Variants in ANK3 observed in about 807,000 individuals in gnomAD.
ANK3 encodes ankyrin 3.
A neutral mutation model predicts 370.9 loss-of-function variants in ANK3; 57 were observed. The ratio of observed to expected loss-of-function variants is 0.15; its 90% CI spans 0.12 to 0.19. The LOEUF is 0.19. Among genes scored for constraint, ANK3 ranks in the 10% least tolerant of loss-of-function variants. The pLI is 1.00. For missense variants in ANK3, 4,439 were observed against 5,302.1 expected (o/e 0.84, Z 5.06); for synonymous variants, 1,929 against 1,946.3 (o/e 0.99, Z 0.23).
chr10:60,039,068 T>A (rs946843935), intron 43 of ANK3, among the ~76,000 whole-genome samples: 1 of 152,204 alleles, frequency 6.6e-6, no homozygotes, highest in African/African-American at 2.4e-5. Context: ...CATTTCTTTT[T>A]CCCATTGCAG....
intron 25 of ANK3, among the ~76,000 whole-genome samples, chr10:60,127,520 A>G (rs2093824140): frequency 6.6e-6 from 1 of 152,174 alleles, no homozygotes; most frequent in Non-Finnish European, 1.5e-5. Context: ...CCTACAGTAT[A>G]TACATACCTT....
chr10:60,536,904 A>C (rs1434756722), intron 2 of ANK3, among the ~76,000 whole-genome samples: 1 of 152,054 alleles, frequency 6.6e-6, no homozygotes, highest in East Asian at 1.9e-4. Context: ...TCATGCTTGC[A>C]AAAAGGGACT....
chr10:60,667,373 T>C (rs1463372586), intron 1 of ANK3, among the ~76,000 whole-genome samples: 1 of 151,696 alleles, frequency 6.6e-6, no homozygotes, highest in Non-Finnish European at 1.5e-5. Flanking sequence ...TGTTCTTAAC[T>C]ACAAATAAAG....
intron 1 of ANK3, among the ~76,000 whole-genome samples, chr10:60,704,464 A>G (rs1161692564): frequency 3.3e-5 from 5 of 152,224 alleles, no homozygotes; most frequent in Non-Finnish European, 5.9e-5. Flanking sequence ...ATTACACAAA[A>G]AAACAAGTAT....
At chr10:60,235,550 G>GTTTTTTTTTTTTTTTTTTTTT (rs72388493) in intron 7 of ANK3, among the ~76,000 whole-genome samples, 3 of 115,050 alleles carry the variant, frequency 2.6e-5, no homozygotes, top group Non-Finnish European at 3.5e-5. Flanking sequence ...CTGATTTCTT[G>GTTTTTTTTTTTTTTTTTTTTT]TTTTTTTTTT....
chr10:60,053,125 G>C (rs978363580), intron 42 of ANK3, among the ~76,000 whole-genome samples: 1 of 152,094 alleles, frequency 6.6e-6, no homozygotes, highest in African/African-American at 2.4e-5. Context: ...TTTCAGTAAA[G>C]GACAGTAAAT....
chr10:60,684,742 G>A (rs2079245790), intron 1 of ANK3: 10 of 1,580,490 alleles, frequency 6.3e-6, no homozygotes, highest in Non-Finnish European at 6.9e-6. Context: ...AGGTGGTCAG[G>A]AGAAATTAAT....
At chr10:60,225,563 A>G (rs1171773492) in intron 8 of ANK3, among the ~76,000 whole-genome samples, 6 of 152,202 alleles carry the variant, frequency 3.9e-5, no homozygotes, top group Admixed American at 2.6e-4. Context: ...AACCTCTTCA[A>G]AAAATATAAG....
Position 60,146,195 on chromosome 10 carries a change from C to A in ANK3, c.2615-7108G>T, listed in dbSNP as rs988784504. On this transcript the variant is annotated intron_variant, in intron 23 of 43. Transcript: ENST00000280772. ...TACCAGTGGATATCCAGCAAGCAAGCAAAGGGAACACTCAATACTTTGATA... is the reference window on the plus strand; with the variant it reads ...TACCAGTGGATATCCAGCAAGCAAGAAAAGGGAACACTCAATACTTTGATA... 2.0e-5 allele frequency among the ~76,000 whole-genome samples: 3 copies of A among 152,232 alleles called. 1 individual carries two copies. Among genetic ancestry groups the A allele is most frequent in the Admixed American group, 6.5e-5 (1 of 15,294 alleles).
At chr10:60,494,350 C>A (rs550954087) in intron 2 of ANK3, among the ~76,000 whole-genome samples, 2 of 152,204 alleles carry the variant, frequency 1.3e-5, no homozygotes, top group South Asian at 4.2e-4. Context: ...GAAAGACAAG[C>A]TTAAGAGATA....
intron 1 of ANK3, among the ~76,000 whole-genome samples, chr10:60,666,970 C>A (rs1237695858): frequency 1.3e-5 from 2 of 151,794 alleles, no homozygotes; most frequent in Non-Finnish European, 1.5e-5. Context: ...ATAGAGGATG[C>A]CTGTTAAAAT....
intron 2 of ANK3, among the ~76,000 whole-genome samples, chr10:60,485,471 T>C (rs1446530749): frequency 6.6e-6 from 1 of 152,188 alleles, no homozygotes; most frequent in South Asian, 2.1e-4. Context: ...GCTTTAACAA[T>C]GTGATCAGTT....
rs1565423165 is a variant in ANK3 at position 60,166,853 on chromosome 10, T to A, written c.2522A>T (p.Asn841Ile). 1.2e-6 allele frequency: 2 copies of A among 1,613,902 alleles called. No individual in the cohort carries two copies. The highest frequency in any genetic ancestry group is 2.7e-5 in the African/African-American group (2 of 74,932). ...ATCATCAGACATATCAAGAACTTCA[T>A]TCATCGTTTCTGGAACATTCATTTT... ...KHKMNVPETM[N>I]EVLDMSDDEV... The change falls in exon 22 of 44, where the codon AAT becomes ATT. Residue 841 changes from asparagine to isoleucine, a missense_variant. By Grantham distance (149) the Asn-to-Ile change is moderately radical. This residue lies in a region of ANK3 where 702 missense variants were observed against 941.5 expected (regional missense o/e 0.75). Transcript: ENST00000280772.
chr10:60,699,840 T>C (rs917267886), intron 1 of ANK3, among the ~76,000 whole-genome samples: 1 of 152,154 alleles, frequency 6.6e-6, no homozygotes, highest in Non-Finnish European at 1.5e-5. Flanking sequence ...ATGGTATCAT[T>C]TTAAAATAAC....
intron 16 of ANK3, 39 bp from the exon 17 acceptor site, chr10:60,186,951 A>G: frequency 6.3e-7 from 1 of 1,591,848 alleles, no homozygotes; most frequent in Non-Finnish European, 8.6e-7. Context: ...CCCAGGAACA[A>G]GATAAAAATG....
chr10:60,598,930 T>C (rs761821358), intron 2 of ANK3, among the ~76,000 whole-genome samples: 2 of 152,114 alleles, frequency 1.3e-5, no homozygotes, highest in Non-Finnish European at 2.9e-5. Context: ...ATTTGTGTTG[T>C]TGTTGTTTTT....
chr10:60,711,408 A>T (rs1167238321), intron 1 of ANK3, among the ~76,000 whole-genome samples: 2 of 151,988 alleles, frequency 1.3e-5, no homozygotes, highest in Non-Finnish European at 2.9e-5. Flanking sequence ...AAATAAAAAT[A>T]AAAAACACTG....
At chr10:60,594,194 G>A (rs1014360338) in intron 2 of ANK3, among the ~76,000 whole-genome samples, 1 of 151,950 alleles carries the variant, frequency 6.6e-6, no homozygotes, top group Non-Finnish European at 1.5e-5. Context: ...TACCCATATA[G>A]AAATCTTTCT....
chr10:60,293,446 T>C (rs899106854), intron 1 of ANK3, among the ~76,000 whole-genome samples: 2 of 152,226 alleles, frequency 1.3e-5, no homozygotes, highest in African/African-American at 4.8e-5. Context: ...CTATCTGTTA[T>C]ACACATCTTA....
Sources: gnomAD v4.1 joint callset for allele counts (sites outside exome capture counted in the v4.1 genomes callset) on GRCh38, gnomAD v4.1.1 for gene constraint, gnomAD v4.1.1 regional missense constraint, MANE v1.5 for transcripts, NCBI Gene and HGNC (gene_info 2026-07-23, HGNC 2026-07-21) for gene names.